The following RNF214 variants were observed in gnomAD, a reference collection of about 807,000 sequenced individuals.
The protein encoded by RNF214 is ring finger protein 214.
Under a neutral mutation model 75.9 loss-of-function variants are expected in RNF214, and 25 were observed. The ratio of observed to expected loss-of-function variants is 0.33; its 90% CI spans 0.24 to 0.46. The LOEUF is 0.46. Ranked by LOEUF, RNF214 falls within the 20% of genes least tolerant of loss-of-function variation. RNF214 has a pLI of 1.00. For synonymous variants in RNF214, 314 were observed against 308.8 expected (o/e 1.02, Z -0.18); for missense variants, 725 against 857.5 (o/e 0.85, Z 1.93).
chr11:117,279,537 A>G (rs1246173101), intron 6 of RNF214, among the ~76,000 whole-genome samples: 1 of 152,026 alleles, frequency 6.6e-6, no homozygotes, highest in Admixed American at 6.6e-5. Flanking sequence ...GGGTTTCACC[A>G]CGCTGGCCAG....
intron 6 of RNF214, among the ~76,000 whole-genome samples, chr11:117,252,211 T>C (rs2033413387): frequency 6.6e-6 from 1 of 152,120 alleles, no homozygotes; most frequent in African/African-American, 2.4e-5. Flanking sequence ...AGTTGGAAAA[T>C]GGATTGGATT....
chr11:117,248,985 G>A (rs540336310), intron 6 of RNF214, among the ~76,000 whole-genome samples: 75 of 151,888 alleles, frequency 4.9e-4, no homozygotes, highest in Middle Eastern at 3.4e-3. Flanking sequence ...GTGCAGTGGC[G>A]CAATCTCGGC....
chr11:117,236,558 C>T (rs2032917189), intron 2 of RNF214, among the ~76,000 whole-genome samples: 1 of 152,194 alleles, frequency 6.6e-6, no homozygotes, highest in South Asian at 2.1e-4. Flanking sequence ...AGGCATGAGC[C>T]ACCGCACCTG....
At chr11:117,250,922 G>A (rs1312035137) in intron 6 of RNF214, among the ~76,000 whole-genome samples, 1 of 146,258 alleles carries the variant, frequency 6.8e-6, no homozygotes, top group Non-Finnish European at 1.5e-5. Context: ...AGAGAGCACA[G>A]GGTTGGGGGT....
chr11:117,242,698 C>A (rs977746338), intron 4 of RNF214, among the ~76,000 whole-genome samples: 1 of 152,122 alleles, frequency 6.6e-6, no homozygotes, highest in South Asian at 2.1e-4. Flanking sequence ...CCTAAAAATA[C>A]AAAAATTAGC....
Position 117,255,969 on chromosome 11 carries a change from C to T in RNF214, c.959+9021C>T, listed in dbSNP as rs564491723. Among the ~76,000 whole-genome samples, 32 of 152,250 alleles carry T rather than the reference C, an allele frequency of 2.1e-4. No homozygotes were observed. In the South Asian group the frequency reaches 5.6e-3, roughly 27 times the overall value. On this transcript the variant is annotated intron_variant, in intron 6 of 14. Coordinates refer to ENST00000300650, the MANE Select transcript of RNF214 (RefSeq NM_207343.4). The stretch of plus-strand genomic sequence containing the variant: ...TAACCCTTTACTTAGTATAAGAGGC[C>T]TTCAGTTACCTCTTTCACATTTATA...
intron 6 of RNF214, among the ~76,000 whole-genome samples, chr11:117,252,881 GTTTA>G (rs1287374491): frequency 6.6e-6 from 1 of 151,912 alleles, no homozygotes; most frequent in Non-Finnish European, 1.5e-5. Flanking sequence ...TTTGATAAGT[GTTTA>G]TTCTATCACT....
intron 2 of RNF214, among the ~76,000 whole-genome samples, chr11:117,234,856 T>G (rs572063): frequency 0.32 from 49,138 of 152,046 alleles, 8,512 homozygotes; most frequent in East Asian, 0.63. Context: ...TGGAGATTGG[T>G]TCCAGGACCC....
intron 6 of RNF214, among the ~76,000 whole-genome samples, chr11:117,266,297 G>A (rs2033795255): frequency 6.6e-6 from 1 of 152,000 alleles, no homozygotes; most frequent in Non-Finnish European, 1.5e-5. Flanking sequence ...CCTGTTTGGA[G>A]TTTTCTGAGT....
rs776897597 is a variant in RNF214 at position 117,282,829 on chromosome 11, A to G, written c.1929A>G (p.Ser643=). The G allele has an allele frequency of 6.0e-5, 97 of 1,613,584 alleles. No individual in the cohort carries two copies. The highest frequency in any genetic ancestry group is 6.1e-5 in the Non-Finnish European group (72 of 1,179,686). The change falls in exon 13 of 15, where the codon TCA becomes TCG. Residue 643 remains serine, a synonymous_variant. Coordinates refer to ENST00000300650, the MANE Select transcript of RNF214 (RefSeq NM_207343.4). ...TGTTCTTGCCTTCTGCCCAAGTTTC[A>G]TATCCTGGAAGGTCTTCACATGTAA... ...TPMFLPSAQV[S]YPGRSSHAPA...
chr11:117,241,200 A>C (rs548876796), intron 4 of RNF214, among the ~76,000 whole-genome samples: 20 of 151,458 alleles, frequency 1.3e-4, no homozygotes, highest in South Asian at 2.1e-4. Flanking sequence ...ACAACAACAA[A>C]AAAACAAAAA....
chr11:117,263,455 T>C lies in RNF214; in HGVS notation c.960-16453T>C, dbSNP rs916855724. Among the ~76,000 whole-genome samples, 11 of 152,004 alleles carry C rather than the reference T, an allele frequency of 7.2e-5. No homozygotes were observed. The South Asian group carries it at 2.1e-3, about 29-fold the overall frequency. ...CATGCCCGGCTAATTTTTGTATTTT[T>C]AGTAGAGATGGGGTTTCACCATGTT... On this transcript the variant is annotated intron_variant, in intron 6 of 14. Transcript: ENST00000300650.
In RNF214 at chr11:117,238,605, A is replaced by G. The variant is rs1447589083; in HGVS notation, c.112A>G (p.Lys38Glu). The G allele has an allele frequency of 3.7e-6, 6 of 1,610,136 alleles. No homozygotes were observed. Among genetic ancestry groups the G allele is most frequent in the Non-Finnish European group, 5.1e-6 (6 of 1,177,652 alleles). Residue 38 changes from lysine (K) to glutamate (E), a missense_variant, in exon 3 of 15, where the codon AAA becomes GAA. By Grantham distance (56) the Lys-to-Glu change is moderately conservative (BLOSUM62 1). Coordinates refer to ENST00000300650, the MANE Select transcript of RNF214 (RefSeq NM_207343.4). ...TTTATCTTGTGTGTTTGATAGCACC[A>G]AAGACTCTGCACAGAAGCAGAAGAA... ...DEGLPDGLST[K>E]DSAQKQKNSP...
intron 1 of RNF214, among the ~76,000 whole-genome samples, chr11:117,233,660 T>C (rs1394842491): frequency 6.6e-6 from 1 of 152,232 alleles, no homozygotes; most frequent in East Asian, 1.9e-4. Context: ...AGGATTCTTT[T>C]TTGCACCACT....
At chr11:117,240,229 TATAGTCCTAGCTACTCA>T (rs2033033631) in intron 4 of RNF214, among the ~76,000 whole-genome samples, 1 of 151,508 alleles carries the variant, frequency 6.6e-6, no homozygotes, top group Non-Finnish European at 1.5e-5. Flanking sequence ...GGTGCATGCC[TATAGTCCTAGCTACTCA>T]GGAGTCCTAG....
intron 1 of RNF214, among the ~76,000 whole-genome samples, chr11:117,233,899 G>A (rs1324434078): frequency 6.6e-6 from 1 of 152,162 alleles, no homozygotes; most frequent in African/African-American, 2.4e-5. Context: ...ATACTAGGCC[G>A]AAAAGTACGT....
chr11:117,254,456 T>A lies in RNF214; in HGVS notation c.959+7508T>A, dbSNP rs113475606. The stretch of plus-strand genomic sequence containing the variant: ...CCTCACTCCATTTCCTTTGAGTCTG[T>A]CAACTCCCTGGAAGTATTTCTTTCC... On this transcript the variant is annotated intron_variant, in intron 6 of 14. Transcript: ENST00000300650. Among the ~76,000 whole-genome samples, 609 of 152,260 alleles carry A rather than the reference T, an allele frequency of 4.0e-3. 5 individuals carry two copies. Among genetic ancestry groups the A allele is most frequent in the African/African-American group, 0.014 (593 of 41,536 alleles).
chr11:117,263,140 T>C (rs1263112989), intron 6 of RNF214, among the ~76,000 whole-genome samples: 3 of 151,964 alleles, frequency 2.0e-5, no homozygotes, highest in Non-Finnish European at 2.9e-5. Flanking sequence ...CAGTCAGTTT[T>C]TGTTTCTTAT....
At chr11:117,241,637 C>T (rs1219652730) in intron 4 of RNF214, among the ~76,000 whole-genome samples, 1 of 151,652 alleles carries the variant, frequency 6.6e-6, no homozygotes, top group African/African-American at 2.4e-5. Flanking sequence ...GGAATAAATC[C>T]AGTTCCTTTC....
Sources: gnomAD v4.1 joint callset for allele counts (sites outside exome capture counted in the v4.1 genomes callset) on GRCh38, gnomAD v4.1.1 for gene constraint, MANE v1.5 for transcripts, NCBI Gene and HGNC (gene_info 2026-07-23, HGNC 2026-07-21) for gene names.